The following SMC1A variants were observed in gnomAD, a reference collection of about 807,000 sequenced individuals.
The protein encoded by SMC1A is structural maintenance of chromosomes 1A.
In SMC1A, 4 loss-of-function variants were observed where a neutral mutation model predicts 94.5. The observed-to-expected ratio is 0.04, with a 90% confidence interval of 0.02 to 0.10. The LOEUF (loss-of-function observed/expected upper bound fraction) is 0.10, where lower values mean the gene tolerates loss of function less well. Among genes scored for constraint, SMC1A ranks in the 10% least tolerant of loss-of-function variants. The pLI, the probability that SMC1A is intolerant of heterozygous loss-of-function variation, is 1.00. For missense variants in SMC1A, 304 were observed against 989.0 expected (o/e 0.31, Z 9.29); for synonymous variants, 345 against 347.7 (o/e 0.99, Z 0.09).
At chrX:53,396,689 C>T (rs1163603775) in intron 16 of SMC1A, 72 bp from the exon 17 acceptor site, 1 of 1,096,108 alleles carries the variant, frequency 9.1e-7, no homozygotes, top group Non-Finnish European at 1.2e-6. Flanking sequence ...TTCTCCTGCT[C>T]CCACCCTTCC....
In SMC1A at chrX:53,377,556, C is replaced by T. The variant is rs1556885389; in HGVS notation, c.*2547G>A. On this transcript the variant is annotated 3_prime_UTR_variant, in exon 25 of 25. Transcript: ENST00000322213. ...AAGGAAAAAGAAAAAGCTTTACAAA[C>T]GATTCTGATGCGCAGCCAAGGTTGA... The T allele has an allele frequency of 1.8e-5, 2 of 111,920 alleles. No homozygotes were observed. Among genetic ancestry groups the T allele is most frequent in the African/African-American group, 3.3e-5 (1 of 30,737 alleles). The allele number at this position is 111,920 out of a possible 1,213,427, so 9.2% of individuals were successfully genotyped here.
chrX:53,422,140 C>T lies in SMC1A; in HGVS notation c.109+352G>A, dbSNP rs1164199670. On this transcript the variant is annotated intron_variant, in intron 1 of 24. Coordinates refer to ENST00000322213, the MANE Select transcript of SMC1A (RefSeq NM_006306.4). ...GTCAAGTAAGGCTGGGAAGCCGGCT[C>T]CGGCCGGTCCGGCGGGGAGCCGCGC... is the stretch of plus-strand genomic sequence containing the variant. The T allele has an allele frequency of 5.2e-6, 5 of 956,632 alleles. No individual in the cohort carries two copies. The East Asian group carries it at 1.6e-4, about 30-fold the overall frequency. The allele number at this position is 956,632 out of a possible 1,213,427, so 78.8% of individuals were successfully genotyped here.
At chrX:53,421,474 A>G (rs1474604708) in intron 1 of SMC1A, among the ~76,000 whole-genome samples, 1 of 112,261 alleles carries the variant, frequency 8.9e-6, no homozygotes, top group Non-Finnish European at 1.9e-5. Context: ...TTAGGCTAGG[A>G]TATCATTCAG....
intron 9 of SMC1A, 66 bp from the exon 10 acceptor site, chrX:53,406,022 TC>T (rs2075689720): frequency 9.8e-7 from 1 of 1,015,433 alleles, no homozygotes; most frequent in African/African-American, 1.9e-5. Context: ...GAATCCTAAT[TC>T]CCAGTATGGA....
At chrX:53,382,020 G>A (rs1485757045) in intron 22 of SMC1A, 3 of 457,977 alleles carry the variant, frequency 6.6e-6, no homozygotes, top group South Asian at 3.2e-5. Flanking sequence ...TGCAGAGGCC[G>A]GTGAGGACAT....
chrX:53,403,677 G>T lies in SMC1A; in HGVS notation c.2314-5C>A. On this transcript the variant is annotated splice_polypyrimidine_tract_variant and splice_region_variant and intron_variant, in intron 14 of 24. Transcript: ENST00000322213. ...TTCAAACACCTCATCCTCTACCTGA[G>T]AAGAGAAGCCAGGGAGGGCATCGGC... 1.7e-6 allele frequency: 2 copies of T among 1,201,404 alleles called. No individual in the cohort carries two copies. Among genetic ancestry groups the T allele is most frequent in the Non-Finnish European group, 2.3e-6 (2 of 888,043 alleles).
intron 3 of SMC1A, among the ~76,000 whole-genome samples, chrX:53,413,740 G>A (rs1394327982): frequency 9.0e-6 from 1 of 111,474 alleles, no homozygotes; most frequent in Non-Finnish European, 1.9e-5. Context: ...GGTGACATCT[G>A]TGCTGAGTTT....
chrX:53,382,457 G>A, intron 21 of SMC1A, 49 bp downstream of exon 21: 1 of 1,199,347 alleles, frequency 8.3e-7, no homozygotes, highest in Non-Finnish European at 1.1e-6. Flanking sequence ...CTAGAGGGAA[G>A]GACAACTGAG....
chrX:53,412,810 T>C (rs1556890715), intron 5 of SMC1A, 90 bp downstream of exon 5: 5 of 1,182,043 alleles, frequency 4.2e-6, no homozygotes, highest in African/African-American at 1.8e-5. Context: ...GAAATGAGTA[T>C]AGGTACTGAA....
chrX:53,383,053 C>A, intron 20 of SMC1A, 44 bp downstream of exon 20: 3 of 1,163,125 alleles, frequency 2.6e-6, no homozygotes, highest in Non-Finnish European at 3.5e-6. Flanking sequence ...ATACCCTTAG[C>A]CTCTTGTCCT....
Position 53,379,978 on chromosome X carries a change from T to G in SMC1A, c.*125A>C. The G allele has an allele frequency of 1.9e-6, 1 of 535,422 alleles. No individual in the cohort carries two copies. Among genetic ancestry groups the G allele is most frequent in the Non-Finnish European group, 3.3e-6 (1 of 298,793 alleles). 44.1% of individuals were successfully genotyped at this position (535,422 alleles called of 1,213,427 possible). On this transcript the variant is annotated 3_prime_UTR_variant, in exon 25 of 25. Coordinates refer to ENST00000322213, the MANE Select transcript of SMC1A (RefSeq NM_006306.4). ...GTTCCTCTTCATGCTTGATTAGCAG[T>G]GCCTAAATCCCATGACTACACCAAA...
At chrX:53,390,459 G>C (rs1325765835) in intron 19 of SMC1A, among the ~76,000 whole-genome samples, 8 of 107,969 alleles carry the variant, frequency 7.4e-5, no homozygotes, top group Admixed American at 5.9e-4. Flanking sequence ...CTGCACACCA[G>C]CCCAGGCCAC....
chrX:53,396,486 G>A lies in SMC1A; in HGVS notation c.2694C>T (p.Leu898=), dbSNP rs886362301. 4 of 1,211,006 alleles carry A rather than the reference G, an allele frequency of 3.3e-6. No individual in the cohort carries two copies. Among genetic ancestry groups the A allele is most frequent in the South Asian group, 1.8e-5 (1 of 56,960 alleles). The change falls in exon 17 of 25, where the codon CTC becomes CTT. Residue 898 remains leucine (L), a synonymous_variant. Transcript: ENST00000322213. Reference sequence around the variant, plus strand: ...AACCCACTCACTTGTTGGCGCCCCCGAGTTTCTTACGAATCTCCTCCATCT... The same window carrying A: ...AACCCACTCACTTGTTGGCGCCCCCAAGTTTCTTACGAATCTCCTCCATCT... The part of the protein sequence containing the change: ...NHEMEEIRKK[L]GGANKEMTHL...
intron 4 of SMC1A, 43 bp downstream of exon 4, chrX:53,413,189 C>A: frequency 2.5e-6 from 3 of 1,211,763 alleles, no homozygotes; most frequent in Non-Finnish European, 3.3e-6. Context: ...GGCACTGGCT[C>A]CATCCTGGTC....
At position 53,382,363 on chromosome X, in the gene SMC1A, G is replaced by A. The variant is rs797045994; in HGVS notation, c.3306C>T (p.Asn1102=). 2.5e-6 allele frequency: 3 copies of A among 1,208,676 alleles called. No individual in the cohort carries two copies. The highest frequency in any genetic ancestry group is 3.4e-6 in the Non-Finnish European group (3 of 893,854). Residue 1102 remains asparagine, a synonymous_variant, in exon 22 of 25, where the codon AAC becomes AAT. Coordinates refer to ENST00000322213, the MANE Select transcript of SMC1A (RefSeq NM_006306.4). ...TGCCATCCAAGTAGGGCTCTTCAGG[G>A]TTCTCAGGGCCCAGGAATGCCTAGG... The part of the protein sequence containing the change: ...SSAQAFLGPE[N]PEEPYLDGIN...
intron 19 of SMC1A, among the ~76,000 whole-genome samples, chrX:53,393,953 T>C (rs1481407816): frequency 9.2e-6 from 1 of 109,114 alleles, no homozygotes; most frequent in Non-Finnish European, 1.9e-5. Flanking sequence ...GGTCAGGAGT[T>C]CAAGACCAGC....
chrX:53,393,055 A>G (rs1363997039), intron 19 of SMC1A, among the ~76,000 whole-genome samples: 2 of 112,211 alleles, frequency 1.8e-5, no homozygotes, highest in African/African-American at 6.5e-5. Context: ...CAATGTTAAC[A>G]TTACAAAGAA....
chrX:53,411,700 C>T, intron 7 of SMC1A, 61 bp downstream of exon 7: 2 of 1,171,950 alleles, frequency 1.7e-6, no homozygotes, highest in Non-Finnish European at 2.3e-6. Context: ...ATTTGGGATG[C>T]TCAACCTATA....
In SMC1A at chrX:53,382,279, G is replaced by A. The variant is rs374246357; in HGVS notation, c.3390C>T (p.Gly1130=). The change falls in exon 22 of 25, where the codon GGC becomes GGT. Residue 1130 remains glycine (G), a synonymous_variant. Transcript: ENST00000322213. ...CCAGAGCTGCCACTGTCTTCTCCCC[G>A]CCTGACAAGTTGTCCATAGGCCGGA... ...KRFRPMDNLS[G]GEKTVAALAL... The A allele has an allele frequency of 3.0e-5, 36 of 1,209,879 alleles. No homozygotes were observed. Among genetic ancestry groups the A allele is most frequent in the Admixed American group, 1.5e-4 (7 of 45,741 alleles).
Sources: gnomAD v4.1 joint callset for allele counts (sites outside exome capture counted in the v4.1 genomes callset) on GRCh38, gnomAD v4.1.1 for gene constraint, MANE v1.5 for transcripts, NCBI Gene and HGNC (gene_info 2026-07-23, HGNC 2026-07-21) for gene names.